Variants in SUPT3H observed in about 807,000 individuals in gnomAD.
The protein encoded by SUPT3H is transcription initiation protein SPT3 homolog.
In SUPT3H, 44 loss-of-function variants were observed where a neutral mutation model predicts 44.3. That is an observed-to-expected ratio of 0.99 (90% CI 0.78 to 1.28). The LOEUF (loss-of-function observed/expected upper bound fraction) is 1.28. SUPT3H is among the 50% of genes most tolerant of loss of function. The pLI, the probability that SUPT3H is intolerant of heterozygous loss-of-function variation, is 0.00. For missense variants in SUPT3H, 380 were observed against 387.1 expected (o/e 0.98, Z 0.15); for synonymous variants, 124 against 125.6 (o/e 0.99, Z 0.09).
intron 2 of SUPT3H, among the ~76,000 whole-genome samples, chr6:45,348,092 T>C (rs761532351): frequency 1.3e-5 from 2 of 152,146 alleles, no homozygotes; most frequent in Non-Finnish European, 2.9e-5. Flanking sequence ...GTCTAGCTTA[T>C]AGTTTTTACG....
intron 3 of SUPT3H, among the ~76,000 whole-genome samples, chr6:45,035,320 C>T (rs889957702): frequency 6.6e-6 from 1 of 152,008 alleles, no homozygotes; most frequent in Non-Finnish European, 1.5e-5. Flanking sequence ...GTAATGATAC[C>T]TGCACTTCAG....
At chr6:44,812,636 T>C (rs1358035843) in intron 11 of SUPT3H, among the ~76,000 whole-genome samples, 1 of 152,222 alleles carries the variant, frequency 6.6e-6, no homozygotes, top group Non-Finnish European at 1.5e-5. Context: ...GTACAAATTA[T>C]TTGAAGCATC....
chr6:45,204,250 A>AAGAAGAAGAAG (rs1762860332), intron 2 of SUPT3H, among the ~76,000 whole-genome samples: 1 of 143,052 alleles, frequency 7.0e-6, no homozygotes. Flanking sequence ...CCGTCTCAAA[A>AAGAAGAAGAAG]AAGAAGAAGA....
intron 2 of SUPT3H, among the ~76,000 whole-genome samples, chr6:45,176,357 C>CT (rs1485661115): frequency 6.6e-6 from 1 of 152,028 alleles, no homozygotes; most frequent in African/African-American, 2.4e-5. Context: ...GAATATTGCG[C>CT]TTTTCAGACC....
rs563697107 is a variant in SUPT3H, at chr6:44,859,268, A to C, written c.913-29411T>G. On this transcript the variant is annotated intron_variant, in intron 10 of 10. Coordinates refer to ENST00000371459, the MANE Select transcript of SUPT3H (RefSeq NM_003599.4). Reference sequence around the variant, plus strand: ...TTATAGACTAATCCAAAGCTATGTAAGGCAAATGCTCACAGAAGGAAACAG... The same window carrying C: ...TTATAGACTAATCCAAAGCTATGTACGGCAAATGCTCACAGAAGGAAACAG... Among the ~76,000 whole-genome samples, 7 of 152,318 alleles carry C rather than the reference A, an allele frequency of 4.6e-5. No individual in the cohort carries two copies. In the South Asian group the frequency reaches 1.5e-3, roughly 32 times the overall value.
intron 3 of SUPT3H, among the ~76,000 whole-genome samples, chr6:45,050,523 C>T (rs1790118218): frequency 6.6e-6 from 1 of 151,884 alleles, no homozygotes; most frequent in Non-Finnish European, 1.5e-5. Flanking sequence ...GAGAGGGAGG[C>T]ACAATAATCA....
At chr6:45,296,738 CAAAAAAAAA>C (rs60921436) in intron 2 of SUPT3H, among the ~76,000 whole-genome samples, 7 of 29,708 alleles carry the variant, frequency 2.4e-4, no homozygotes, top group Non-Finnish European at 4.0e-4. Flanking sequence ...GACTCTGTCT[CAAAAAAAAA>C]AAAAAAAAAA....
At chr6:44,901,173 G>A (rs1764973062) in intron 10 of SUPT3H, among the ~76,000 whole-genome samples, 1 of 152,204 alleles carries the variant, frequency 6.6e-6, no homozygotes, top group African/African-American at 2.4e-5. Context: ...GCTGGATGGA[G>A]AATGACTTTG....
chr6:45,282,794 A>G (rs1422574295), intron 2 of SUPT3H, among the ~76,000 whole-genome samples: 3 of 151,748 alleles, frequency 2.0e-5, no homozygotes, highest in Non-Finnish European at 2.9e-5. Context: ...CAGATTCACC[A>G]AAGTTGAAAT....
At chr6:45,028,093 T>C (rs2153522199) in intron 3 of SUPT3H, among the ~76,000 whole-genome samples, 1 of 152,376 alleles carries the variant, frequency 6.6e-6, no homozygotes, top group South Asian at 2.1e-4. Flanking sequence ...AAAATGTTCT[T>C]GGACTATTTT....
intron 2 of SUPT3H, among the ~76,000 whole-genome samples, chr6:45,235,840 A>G (rs1309031151): frequency 6.6e-6 from 1 of 152,150 alleles, no homozygotes; most frequent in African/African-American, 2.4e-5. Flanking sequence ...CCCATGCTGA[A>G]GGTTGTGGGT....
chr6:45,055,620 C>G (rs539840578), intron 3 of SUPT3H, among the ~76,000 whole-genome samples: 1 of 152,006 alleles, frequency 6.6e-6, no homozygotes, highest in Non-Finnish European at 1.5e-5. Flanking sequence ...GCAAGCTACA[C>G]GTAGAAGAAT....
chr6:45,257,922 T>C (rs1394532554), intron 2 of SUPT3H, among the ~76,000 whole-genome samples: 1 of 152,214 alleles, frequency 6.6e-6, no homozygotes, highest in Non-Finnish European at 1.5e-5. Context: ...TATATTGACT[T>C]TGGAAACAAA....
chr6:44,935,594 T>C (rs546959854), intron 9 of SUPT3H, among the ~76,000 whole-genome samples: 1 of 152,296 alleles, frequency 6.6e-6, no homozygotes, highest in South Asian at 2.1e-4. Context: ...TTGGAAAAGT[T>C]CTCCATATGT....
intron 10 of SUPT3H, among the ~76,000 whole-genome samples, chr6:44,847,958 CTTTTTTT>C (rs969869912): frequency 1.2e-3 from 68 of 58,388 alleles, no homozygotes; most frequent in African/African-American, 4.2e-3. Flanking sequence ...ATCTCTGTGT[CTTTTTTT>C]TTTTTTTTTT....
intron 5 of SUPT3H, among the ~76,000 whole-genome samples, chr6:45,012,021 T>G (rs989257945): frequency 6.6e-6 from 1 of 151,952 alleles, no homozygotes; most frequent in Non-Finnish European, 1.5e-5. Context: ...GCTATGTTGA[T>G]GAGAAGTCAG....
intron 2 of SUPT3H, among the ~76,000 whole-genome samples, chr6:45,291,994 A>G (rs1345549007): frequency 6.6e-6 from 1 of 152,206 alleles, no homozygotes; most frequent in African/African-American, 2.4e-5. Context: ...ACATCAGGTT[A>G]TCTAAAGTTA....
chr6:45,054,589 G>C (rs182947883), intron 3 of SUPT3H, among the ~76,000 whole-genome samples: 41 of 152,112 alleles, frequency 2.7e-4, no homozygotes, highest in African/African-American at 9.6e-4. Flanking sequence ...AAATATCTCA[G>C]CCATGAACCT....
intron 6 of SUPT3H, among the ~76,000 whole-genome samples, chr6:44,989,073 C>T (rs890936256): frequency 3.6e-4 from 54 of 152,074 alleles, no homozygotes; most frequent in African/African-American, 1.3e-3. Context: ...AAGTCCCACA[C>T]AAGTGGATGG....
Sources: gnomAD v4.1 joint callset for allele counts (sites outside exome capture counted in the v4.1 genomes callset) on GRCh38, gnomAD v4.1.1 for gene constraint, MANE v1.5 for transcripts, NCBI Gene and HGNC (gene_info 2026-07-23, HGNC 2026-07-21) for gene names.